ATP2B2: variants seen among roughly 807,000 people sequenced by gnomAD.
ATP2B2 encodes the protein plasma membrane calcium-transporting ATPase 2.
In ATP2B2, 15 loss-of-function variants were observed where a neutral mutation model predicts 120.0. The observed-to-expected ratio is 0.12, with a 90% CI of 0.08 to 0.19. ATP2B2 has a LOEUF of 0.19. Ranked by LOEUF, ATP2B2 falls within the 10% of genes least tolerant of loss-of-function variation. ATP2B2 has a pLI of 1.00. For synonymous variants in ATP2B2, 694 were observed against 700.3 expected (o/e 0.99, Z 0.14); for missense variants, 1,045 against 1,719.8 (o/e 0.61, Z 6.94).
chr3:10,703,585 G>A lies in ATP2B2; in HGVS notation c.-460+4330C>T, dbSNP rs115663394. Among the ~76,000 whole-genome samples the A allele has an allele frequency of 3.2e-3, 492 of 152,324 alleles. 3 individuals carry two copies. Among genetic ancestry groups the A allele is most frequent in the African/African-American group, 0.011 (457 of 41,574 alleles). ...TGCCATTTCCTAGAACTCCGGATCA[G>A]CACACACCTTTTAGCCCGCACAGCC... On this transcript the variant is annotated intron_variant, in intron 1 of 21. Transcript: ENST00000646379.
chr3:10,565,724 T>A (rs2067995813), intron 2 of ATP2B2, among the ~76,000 whole-genome samples: 1 of 152,156 alleles, frequency 6.6e-6, no homozygotes, highest in Non-Finnish European at 1.5e-5. Flanking sequence ...CAAACCTGGA[T>A]TCAAATCTTG....
At position 10,503,415 on chromosome 3, in the gene ATP2B2, G is replaced by T. The variant is rs190705498; in HGVS notation, c.-320+2050C>A. On this transcript the variant is annotated intron_variant, in intron 1 of 22. Transcript: ENST00000360273. The stretch of plus-strand genomic sequence containing the variant: ...TGAAGAACATCAATAACCCAAGATG[G>T]CCTTGCTGAGTCTAATCACAGCTCC... Among the ~76,000 whole-genome samples the T allele has an allele frequency of 2.1e-4, 32 of 152,316 alleles. No homozygotes were observed. In the East Asian group the frequency reaches 5.6e-3, roughly 27 times the overall value.
intron 1 of ATP2B2, among the ~76,000 whole-genome samples, chr3:10,659,348 C>T (rs1299708109): frequency 6.6e-6 from 1 of 152,098 alleles, no homozygotes; most frequent in African/African-American, 2.4e-5. Context: ...TTCAGGAAAC[C>T]CATCTCATGT....
chr3:10,691,148 GC>G (rs1205046059), intron 1 of ATP2B2, among the ~76,000 whole-genome samples: 2 of 152,190 alleles, frequency 1.3e-5, no homozygotes, highest in African/African-American at 4.8e-5. Flanking sequence ...TTCTGACCTG[GC>G]CCCTTGCAGG....
At chr3:10,474,291 G>A (rs1172884417) in intron 1 of ATP2B2, among the ~76,000 whole-genome samples, 4 of 152,230 alleles carry the variant, frequency 2.6e-5, no homozygotes, top group Non-Finnish European at 1.5e-5. Context: ...TTTTGGACTT[G>A]TTAACTTTGA....
intron 2 of ATP2B2, among the ~76,000 whole-genome samples, chr3:10,434,088 A>T (rs994940064): frequency 6.6e-6 from 1 of 152,246 alleles, no homozygotes; most frequent in Non-Finnish European, 1.5e-5. Context: ...ATTCTCAGCT[A>T]GGGGGTGGGG....
intron 2 of ATP2B2, among the ~76,000 whole-genome samples, chr3:10,427,208 G>C (rs1302293866): frequency 6.6e-6 from 1 of 152,180 alleles, no homozygotes; most frequent in Non-Finnish European, 1.5e-5. Flanking sequence ...CACAAGGTAA[G>C]CTCCACTTGA....
At chr3:10,331,727 G>C (rs2059986046) in intron 22 of ATP2B2, among the ~76,000 whole-genome samples, 1 of 143,748 alleles carries the variant, frequency 7.0e-6, no homozygotes, top group African/African-American at 2.7e-5. Context: ...TTTTTTTTTG[G>C]CATAAGCTGC....
chr3:10,601,953 T>C (rs1384898481), intron 2 of ATP2B2, among the ~76,000 whole-genome samples: 9 of 152,218 alleles, frequency 5.9e-5, no homozygotes, highest in Non-Finnish European at 2.9e-5. Context: ...TTCATTAATA[T>C]GGGATTAAAG....
intron 1 of ATP2B2, among the ~76,000 whole-genome samples, chr3:10,471,554 G>C (rs551478283): frequency 1.6e-3 from 248 of 152,110 alleles, no homozygotes; most frequent in Non-Finnish European, 3.0e-3. Context: ...AACTTGAGAG[G>C]CTAGGAGTGG....
At chr3:10,633,046 T>C (rs565495253) in intron 1 of ATP2B2, among the ~76,000 whole-genome samples, 50 of 152,246 alleles carry the variant, frequency 3.3e-4, no homozygotes, top group African/African-American at 1.2e-3. Flanking sequence ...ATGAAGCTGA[T>C]AAAAAGTAAG....
intron 1 of ATP2B2, among the ~76,000 whole-genome samples, chr3:10,454,003 TCCACCCACCCA>T: frequency 6.6e-6 from 1 of 151,124 alleles, no homozygotes; most frequent in Non-Finnish European, 1.5e-5. Context: ...CATCCATTCA[TCCACCCACCCA>T]CCACCCACCG....
chr3:10,548,629 AT>A (rs1361370046), intron 2 of ATP2B2, among the ~76,000 whole-genome samples: 3 of 152,170 alleles, frequency 2.0e-5, no homozygotes, highest in Non-Finnish European at 4.4e-5. Flanking sequence ...GCCCACAGTG[AT>A]AATTAACTTG....
At chr3:10,433,943 T>C (rs1407536175) in intron 2 of ATP2B2, among the ~76,000 whole-genome samples, 2 of 152,242 alleles carry the variant, frequency 1.3e-5, no homozygotes, top group East Asian at 1.9e-4. Flanking sequence ...AGAATATCTT[T>C]GTTGGTTTTG....
Position 10,483,769 on chromosome 3 carries a change from G to A in ATP2B2, c.-320+21696C>T, listed in dbSNP as rs146352935. 8.9e-3 allele frequency among the ~76,000 whole-genome samples: 1,351 copies of A among 152,256 alleles called. 22 individuals carry two copies. The highest frequency in any genetic ancestry group is 0.031 in the African/African-American group (1,282 of 41,550). The stretch of plus-strand genomic sequence containing the variant: ...AAGACCCACTGGCTGGCCTCCAAAC[G>A]CCTTCCGGAAAAAACTTCCAAAAAG... On this transcript the variant is annotated intron_variant, in intron 1 of 22. Transcript: ENST00000360273.
chr3:10,467,714 C>T (rs531436400), intron 1 of ATP2B2, among the ~76,000 whole-genome samples: 1 of 152,310 alleles, frequency 6.6e-6, no homozygotes, highest in East Asian at 1.9e-4. Flanking sequence ...AGGTAGGATA[C>T]CGTTACTGAA....
intron 1 of ATP2B2, among the ~76,000 whole-genome samples, chr3:10,661,290 A>G (rs2070773683): frequency 6.6e-6 from 1 of 152,098 alleles, no homozygotes; most frequent in Admixed American, 6.5e-5. Flanking sequence ...TTCAATTAGG[A>G]AAAGAGGAAG....
chr3:10,683,483 G>T (rs979894209), intron 1 of ATP2B2, among the ~76,000 whole-genome samples: 1 of 151,860 alleles, frequency 6.6e-6, no homozygotes, highest in Admixed American at 6.6e-5. Context: ...TATGGTAATT[G>T]AATAATATAA....
At chr3:10,593,390 T>G (rs918528618) in intron 2 of ATP2B2, among the ~76,000 whole-genome samples, 1 of 152,182 alleles carries the variant, frequency 6.6e-6, no homozygotes, top group African/African-American at 2.4e-5. Context: ...CCAGAGTCCA[T>G]GCTCTCATTA....
Sources: gnomAD v4.1 joint callset for allele counts (sites outside exome capture counted in the v4.1 genomes callset) on GRCh38, gnomAD v4.1.1 for gene constraint, MANE v1.5 for transcripts, NCBI Gene and HGNC (gene_info 2026-07-23, HGNC 2026-07-21) for gene names.